Variants in CCDC167 observed in about 807,000 individuals in gnomAD.
The protein encoded by CCDC167 is coiled-coil domain-containing protein 167.
A neutral mutation model predicts 12.7 loss-of-function variants in CCDC167; 15 were observed. The observed-to-expected ratio is 1.18, with a 90% confidence interval of 0.79 to 1.81. The LOEUF (loss-of-function observed/expected upper bound fraction) is 1.81, where lower values mean the gene tolerates loss of function less well. Ranked by LOEUF, CCDC167 falls within the 40% of genes most tolerant of loss-of-function variation. CCDC167 has a pLI of 0.00. For missense variants in CCDC167, 121 were observed against 120.1 expected (o/e 1.01, Z -0.03); for synonymous variants, 52 against 49.0 (o/e 1.06, Z -0.26).
At chr6:37,488,081 A>C (rs527973297) in intron 1 of CCDC167, among the ~76,000 whole-genome samples, 59 of 152,338 alleles carry the variant, frequency 3.9e-4, no homozygotes, top group African/African-American at 1.3e-3. Flanking sequence ...CCATCCTCAG[A>C]AGGTGACCCT....
chr6:37,485,255 C>G, intron 1 of CCDC167, 61 bp from the exon 2 acceptor site: 1 of 1,360,604 alleles, frequency 7.3e-7, no homozygotes, highest in Non-Finnish European at 1.0e-6. Context: ...AACACTGGGA[C>G]TGGGAAGCAG....
chr6:37,491,250 C>A (rs1040239937), intron 1 of CCDC167, among the ~76,000 whole-genome samples: 2 of 152,182 alleles, frequency 1.3e-5, no homozygotes, highest in South Asian at 2.1e-4. Context: ...CGAGACAGTT[C>A]GAGCCACAGG....
chr6:37,485,090 G>A lies in CCDC167; in HGVS notation c.137+10C>T. On this transcript the variant is annotated intron_variant, in intron 2 of 3. Coordinates refer to ENST00000373408, the MANE Select transcript of CCDC167 (RefSeq NM_138493.3). ...TGGGGAAGGGTGGGGTGGCTGGGCAGGAGCATTACCTGGCCTCTGGGCTCA... is the reference window on the plus strand; with the variant it reads ...TGGGGAAGGGTGGGGTGGCTGGGCAAGAGCATTACCTGGCCTCTGGGCTCA... The A allele has an allele frequency of 1.2e-6, 2 of 1,608,734 alleles. No individual in the cohort carries two copies. The highest frequency in any genetic ancestry group is 1.7e-6 in the Non-Finnish European group (2 of 1,177,962).
At chr6:37,494,924 C>T (rs1189216568) in intron 1 of CCDC167, among the ~76,000 whole-genome samples, 3 of 151,326 alleles carry the variant, frequency 2.0e-5, no homozygotes, top group African/African-American at 7.3e-5. Context: ...CTCAGCCTCC[C>T]GAGTAGCTGG....
At chr6:37,493,126 C>T (rs1235825168) in intron 1 of CCDC167, among the ~76,000 whole-genome samples, 1 of 152,170 alleles carries the variant, frequency 6.6e-6, no homozygotes, top group Admixed American at 6.5e-5. Flanking sequence ...AGGGGCTTGT[C>T]GCTCGCCTGG....
chr6:37,488,296 G>A (rs537618159), intron 1 of CCDC167, among the ~76,000 whole-genome samples: 29 of 152,344 alleles, frequency 1.9e-4, no homozygotes, highest in Non-Finnish European at 3.7e-4. Context: ...AGCTGACACA[G>A]CAGGATGGGC....
At chr6:37,489,087 T>G (rs1419787342) in intron 1 of CCDC167, among the ~76,000 whole-genome samples, 1 of 151,908 alleles carries the variant, frequency 6.6e-6, no homozygotes, top group South Asian at 2.1e-4. Context: ...AATACAAAAA[T>G]TAGCCAGGCG....
At chr6:37,485,065 T>A in intron 2 of CCDC167, 35 bp downstream of exon 2, 4 of 1,407,066 alleles carry the variant, frequency 2.8e-6, no homozygotes, top group Non-Finnish European at 3.9e-6. Context: ...GGGGGCCTGA[T>A]GGGGAAGGGT....
chr6:37,496,596 T>C (rs956437922), intron 1 of CCDC167, among the ~76,000 whole-genome samples: 1 of 152,196 alleles, frequency 6.6e-6, no homozygotes, highest in African/African-American at 2.4e-5. Flanking sequence ...GAGTTTGACT[T>C]AGCCATGGTG....
intron 1 of CCDC167, among the ~76,000 whole-genome samples, chr6:37,488,886 C>A (rs568827001): frequency 6.6e-5 from 10 of 152,264 alleles, no homozygotes; most frequent in South Asian, 6.2e-4. Context: ...TGCACTAGAT[C>A]TTTGGAGAAT....
intron 1 of CCDC167, among the ~76,000 whole-genome samples, chr6:37,492,562 C>G (rs893535284): frequency 1.3e-5 from 2 of 152,206 alleles, no homozygotes; most frequent in African/African-American, 4.8e-5. Flanking sequence ...CAAAACAGAT[C>G]CAGTTTGGAG....
chr6:37,495,280 G>A (rs1454531890), intron 1 of CCDC167, among the ~76,000 whole-genome samples: 2 of 152,166 alleles, frequency 1.3e-5, no homozygotes, highest in Non-Finnish European at 2.9e-5. Flanking sequence ...GTTAACTCAA[G>A]ACCAACTGGT....
chr6:37,483,227 A>AGAT lies in CCDC167; in HGVS notation c.250_252dup (p.Ile84dup). On this transcript the variant is annotated inframe_insertion, in exon 4 of 4. Transcript: ENST00000373408. ...GCATAGACGAGCGTCAGGAGGATAA[A>AGAT]GATGGCCACAGAGAGCAGCATGTTC... is the stretch of plus-strand genomic sequence containing the variant. 6.2e-7 allele frequency: 1 copy of AGAT among 1,614,172 alleles called. No individual in the cohort carries two copies. Among genetic ancestry groups the AGAT allele is most frequent in the Non-Finnish European group, 8.5e-7 (1 of 1,179,996 alleles).
intron 1 of CCDC167, among the ~76,000 whole-genome samples, chr6:37,496,352 G>A (rs536612462): frequency 1.3e-5 from 2 of 152,292 alleles, no homozygotes; most frequent in East Asian, 3.9e-4. Context: ...AGAATTGCTT[G>A]AACCCGGGAG....
chr6:37,497,652 G>A (rs1160605680), intron 1 of CCDC167, among the ~76,000 whole-genome samples: 7 of 152,018 alleles, frequency 4.6e-5, no homozygotes, highest in Non-Finnish European at 7.4e-5. Flanking sequence ...TCAGGAGTTC[G>A]AGACCAGCCT....
rs771133760 is a variant in CCDC167 at position 37,499,606 on chromosome 6, CAG to C, written c.42+214_42+215del. 4.6e-5 allele frequency among the ~76,000 whole-genome samples: 7 copies of C among 152,236 alleles called. No individual in the cohort carries two copies. In the South Asian group the frequency reaches 8.3e-4, roughly 18 times the overall value. On this transcript the variant is annotated intron_variant, in intron 1 of 3. Transcript: ENST00000373408. ...TCTTCCTCTCTGGAGATGCCCTCTCCAGAGAGTCTGGTTCGCCCATCCGGCAC... is the reference window on the plus strand; with the variant it reads ...TCTTCCTCTCTGGAGATGCCCTCTCCAGAGTCTGGTTCGCCCATCCGGCAC...
chr6:37,485,331 C>T (rs1311988958), intron 1 of CCDC167, 137 bp from the exon 2 acceptor site: 6 of 652,190 alleles, frequency 9.2e-6, no homozygotes, highest in Non-Finnish European at 1.6e-5. Context: ...GGCACCCAGG[C>T]CTGTCTTCCC....
intron 1 of CCDC167, among the ~76,000 whole-genome samples, chr6:37,496,011 C>T (rs1392096545): frequency 3.9e-5 from 6 of 152,110 alleles, no homozygotes; most frequent in Admixed American, 3.9e-4. Flanking sequence ...TTCGAATATC[C>T]AAGCAAAAAG....
intron 2 of CCDC167, 90 bp downstream of exon 2, chr6:37,485,010 C>G: frequency 4.1e-6 from 6 of 1,450,484 alleles, no homozygotes; most frequent in Non-Finnish European, 5.7e-6. Context: ...CCCAAACCCT[C>G]TGCCTCAGGC....
Sources: gnomAD v4.1 joint callset for allele counts (sites outside exome capture counted in the v4.1 genomes callset) on GRCh38, gnomAD v4.1.1 for gene constraint, MANE v1.5 for transcripts, NCBI Gene and HGNC (gene_info 2026-07-23, HGNC 2026-07-21) for gene names.